The following CTNNA3 variants were observed in gnomAD, a reference collection of about 807,000 sequenced individuals.
CTNNA3 encodes the protein catenin alpha-3.
In CTNNA3, 76 loss-of-function variants were observed where a neutral mutation model predicts 95.7. That is an observed-to-expected ratio of 0.79 (90% CI 0.66 to 0.96). CTNNA3 has a LOEUF of 0.96. Among genes scored for constraint, CTNNA3 ranks in the 40% least tolerant of loss-of-function variants. The pLI is 0.00. For synonymous variants in CTNNA3, 431 were observed against 374.4 expected (o/e 1.15, Z -1.74); for missense variants, 1,191 against 1,089.8 (o/e 1.09, Z -1.31).
chr10:67,558,663 C>T (rs1206672852), intron 3 of CTNNA3, among the ~76,000 whole-genome samples: 3 of 152,148 alleles, frequency 2.0e-5, no homozygotes, highest in Non-Finnish European at 2.9e-5. Context: ...GTGCACTGTG[C>T]GCGAGCCAAA....
intron 15 of CTNNA3, among the ~76,000 whole-genome samples, chr10:65,993,547 A>T (rs149850759): frequency 6.6e-6 from 1 of 152,164 alleles, no homozygotes; most frequent in Admixed American, 6.5e-5. Flanking sequence ...TGTTTTTATC[A>T]GATATAAGTA....
chr10:66,154,739 T>TATATATATA (rs1554870361), intron 13 of CTNNA3, among the ~76,000 whole-genome samples: 1 of 143,392 alleles, frequency 7.0e-6, no homozygotes, highest in South Asian at 2.2e-4. Flanking sequence ...TATATATATA[T>TATATATATA]ATTTCCCTTG....
chr10:67,363,405 T>G (rs1450039426), intron 5 of CTNNA3, among the ~76,000 whole-genome samples: 2 of 151,198 alleles, frequency 1.3e-5, no homozygotes, highest in Non-Finnish European at 3.0e-5. Context: ...AGTACCAGTA[T>G]AAAAATAGAC....
intron 5 of CTNNA3, among the ~76,000 whole-genome samples, chr10:67,456,477 A>G (rs1456018162): frequency 6.6e-6 from 1 of 152,152 alleles, no homozygotes; most frequent in Non-Finnish European, 1.5e-5. Flanking sequence ...AATATGTGAA[A>G]CAAGTCATTA....
chr10:67,389,860 C>T (rs1474372799), intron 5 of CTNNA3, among the ~76,000 whole-genome samples: 49 of 151,752 alleles, frequency 3.2e-4, no homozygotes, highest in South Asian at 2.1e-4. Flanking sequence ...TTGAAACCAA[C>T]GAGAACAAAG....
At chr10:66,884,994 G>A (rs1481690696) in intron 7 of CTNNA3, among the ~76,000 whole-genome samples, 1 of 152,062 alleles carries the variant, frequency 6.6e-6, no homozygotes, top group Non-Finnish European at 1.5e-5. Flanking sequence ...ATTTTCCCAG[G>A]TTATTACATA....
intron 5 of CTNNA3, among the ~76,000 whole-genome samples, chr10:67,249,864 G>A (rs1046872369): frequency 1.3e-5 from 2 of 152,162 alleles, no homozygotes; most frequent in African/African-American, 4.8e-5. Context: ...TCTTTAGGAT[G>A]TGGGAGAAAA....
At chr10:66,648,451 A>G (rs1845782043) in intron 9 of CTNNA3, among the ~76,000 whole-genome samples, 1 of 152,172 alleles carries the variant, frequency 6.6e-6, no homozygotes, top group South Asian at 2.1e-4. Context: ...ATTACACAGA[A>G]GGAATTTGCC....
intron 11 of CTNNA3, among the ~76,000 whole-genome samples, chr10:66,512,279 A>C (rs777858019): frequency 6.6e-6 from 1 of 152,014 alleles, no homozygotes; most frequent in Non-Finnish European, 1.5e-5. Flanking sequence ...ATGAGAAGTG[A>C]GTTTCACAAG....
chr10:66,785,112 T>C (rs1461934331), intron 7 of CTNNA3, among the ~76,000 whole-genome samples: 1 of 152,156 alleles, frequency 6.6e-6, no homozygotes, highest in Non-Finnish European at 1.5e-5. Flanking sequence ...CCAAGGCTAT[T>C]GCCTAGATCA....
intron 12 of CTNNA3, among the ~76,000 whole-genome samples, chr10:66,365,237 G>T (rs1025011987): frequency 1.3e-5 from 2 of 152,228 alleles, no homozygotes; most frequent in East Asian, 3.9e-4. Context: ...CCTTTGCAGA[G>T]ACATGGATGA....
intron 2 of CTNNA3, among the ~76,000 whole-genome samples, chr10:67,632,808 C>T (rs1488535822): frequency 6.6e-6 from 1 of 152,084 alleles, no homozygotes; most frequent in Non-Finnish European, 1.5e-5. Context: ...CACTCCAGCC[C>T]CAGGATCCCT....
At chr10:66,005,585 C>T (rs1463300631) in intron 15 of CTNNA3, among the ~76,000 whole-genome samples, 2 of 152,090 alleles carry the variant, frequency 1.3e-5, no homozygotes, top group Non-Finnish European at 2.9e-5. Flanking sequence ...CCTGGGAAGA[C>T]ACTTTATGTG....
chr10:66,580,611 G>T (rs1313339808), intron 10 of CTNNA3, among the ~76,000 whole-genome samples: 3 of 151,690 alleles, frequency 2.0e-5, no homozygotes, highest in Non-Finnish European at 1.5e-5. Context: ...TTCTTGATAT[G>T]ACAAGTGATG....
intron 9 of CTNNA3, among the ~76,000 whole-genome samples, chr10:66,633,722 G>A (rs190435733): frequency 2.2e-4 from 33 of 152,168 alleles, no homozygotes; most frequent in African/African-American, 7.7e-4. Flanking sequence ...TAAATGCAAA[G>A]TATAATGTCC....
chr10:67,123,889 T>C (rs1859585723), intron 7 of CTNNA3, among the ~76,000 whole-genome samples: 1 of 152,136 alleles, frequency 6.6e-6, no homozygotes, highest in Admixed American at 6.6e-5. Context: ...ATCTTAAGGG[T>C]ACTAAACACA....
At chr10:67,721,399 A>T (rs1317653095) in intron 1 of CTNNA3, among the ~76,000 whole-genome samples, 4 of 151,240 alleles carry the variant, frequency 2.6e-5, no homozygotes, top group Non-Finnish European at 5.9e-5. Context: ...GCTTTATTTC[A>T]TTAAGTTGAT....
chr10:67,447,618 C>T (rs1054614035), intron 5 of CTNNA3, among the ~76,000 whole-genome samples: 3 of 152,166 alleles, frequency 2.0e-5, no homozygotes, highest in Non-Finnish European at 2.9e-5. Flanking sequence ...GTATTCAGGT[C>T]GCTGCTCAAT....
At chr10:66,012,376 A>G (rs989857810) in intron 15 of CTNNA3, among the ~76,000 whole-genome samples, 6 of 152,198 alleles carry the variant, frequency 3.9e-5, no homozygotes, top group African/African-American at 1.4e-4. Flanking sequence ...GAAGTTATGT[A>G]CTAACAGTAA....
Sources: gnomAD v4.1 joint callset for allele counts (sites outside exome capture counted in the v4.1 genomes callset) on GRCh38, gnomAD v4.1.1 for gene constraint, MANE v1.5 for transcripts, NCBI Gene and HGNC (gene_info 2026-07-23, HGNC 2026-07-21) for gene names.